The following STT3B variants were observed in gnomAD, a reference collection of about 807,000 sequenced individuals.
STT3B encodes STT3 oligosaccharyltransferase complex catalytic subunit B.
In STT3B, 29 loss-of-function variants were observed where a neutral mutation model predicts 96.8. The ratio of observed to expected loss-of-function variants is 0.30; its 90% CI spans 0.22 to 0.41. The LOEUF (loss-of-function observed/expected upper bound fraction) is 0.41. Ranked by LOEUF, STT3B falls within the 10% of genes least tolerant of loss-of-function variation. The probability of loss-of-function intolerance (pLI) is 1.00; values close to 1 mark genes in which losing one functional copy is unlikely to be tolerated. For synonymous variants in STT3B, 367 were observed against 360.0 expected, an observed-to-expected ratio of 1.02 and a Z score of -0.22; for missense variants, 640 against 1,022.3, an observed-to-expected ratio of 0.63 and a Z score of 5.10.
intron 1 of STT3B, among the ~76,000 whole-genome samples, chr3:31,559,146 GGT>G (rs55707310): frequency 0.34 from 39,084 of 115,804 alleles, 7,002 homozygotes; most frequent in Non-Finnish European, 0.43. Flanking sequence ...TGATTCTTGG[GGT>G]GTGTGTGTGT....
At chr3:31,586,940 G>GTA (rs1698553093) in intron 3 of STT3B, among the ~76,000 whole-genome samples, 1 of 152,090 alleles carries the variant, frequency 6.6e-6, no homozygotes. Flanking sequence ...TGCATTGAAT[G>GTA]TATAGGTCAG....
intron 9 of STT3B, among the ~76,000 whole-genome samples, chr3:31,621,303 G>T (rs1431066607): frequency 1.3e-5 from 2 of 152,110 alleles, no homozygotes; most frequent in Non-Finnish European, 2.9e-5. Flanking sequence ...GATAGGGGAG[G>T]GGGTTGTTAC....
intron 4 of STT3B, among the ~76,000 whole-genome samples, chr3:31,597,993 G>A (rs1698832667): frequency 6.6e-6 from 1 of 151,762 alleles, no homozygotes. Context: ...GTGCCACTAT[G>A]CCCGGCTAAT....
rs1553606858 is a variant in STT3B at position 31,607,761 on chromosome 3, G to GTTGTTGTT, written c.877+7302_877+7303insTTGTTGTT. On this transcript the variant is annotated intron_variant, in intron 5 of 15. Transcript: ENST00000295770. Reference sequence around the variant, plus strand: ...TTTGTTGTTTTTGGGGGGTTGTTGTGGTTGTTGTTGTTTGTAGAAATGGTA... The same window carrying GTTGTTGTT: ...TTTGTTGTTTTTGGGGGGTTGTTGTGTTGTTGTTGTTGTTGTTGTTTGTAGAAATGGTA... Among the ~76,000 whole-genome samples, 84 of 147,748 alleles carry GTTGTTGTT rather than the reference G, an allele frequency of 5.7e-4. 1 individual carries two copies. Among genetic ancestry groups the GTTGTTGTT allele is most frequent in the East Asian group, 4.9e-3 (25 of 5,134 alleles).
chr3:31,593,464 C>T lies in STT3B; in HGVS notation c.712-3334C>T, dbSNP rs562520404. 3.2e-4 allele frequency among the ~76,000 whole-genome samples: 49 copies of T among 152,020 alleles called. 1 individual carries two copies. Among genetic ancestry groups the T allele is most frequent in the African/African-American group, 1.2e-3 (49 of 41,478 alleles). On this transcript the variant is annotated intron_variant, in intron 3 of 15. Coordinates refer to ENST00000295770, the MANE Select transcript of STT3B (RefSeq NM_178862.3). ...TTGTATTTGGTGGCTTCTTGGGTTT[C>T]ATGGATCTGTAGATTAGTGCTTACC...
chr3:31,586,870 T>G (rs80060996), intron 3 of STT3B, among the ~76,000 whole-genome samples: 5,829 of 152,238 alleles, frequency 0.038, 161 homozygotes, highest in Non-Finnish European at 0.055. Flanking sequence ...ATCATGTAAA[T>G]TTTAGAATCA....
At chr3:31,587,045 AT>A (rs1433454635) in intron 3 of STT3B, among the ~76,000 whole-genome samples, 1 of 151,770 alleles carries the variant, frequency 6.6e-6, no homozygotes, top group African/African-American at 2.4e-5. Context: ...TTTTGCTTTA[AT>A]TTTTCTGGGC....
chr3:31,608,188 G>A (rs780192145), intron 5 of STT3B, among the ~76,000 whole-genome samples: 6 of 152,092 alleles, frequency 3.9e-5, no homozygotes, highest in Admixed American at 6.5e-5. Flanking sequence ...ACAGGCAAAC[G>A]GGACTACAAT....
intron 2 of STT3B, among the ~76,000 whole-genome samples, chr3:31,577,822 T>C (rs1157540358): frequency 6.6e-6 from 1 of 152,138 alleles, no homozygotes; most frequent in Non-Finnish European, 1.5e-5. Flanking sequence ...GCAGTTCTTG[T>C]GGTGCTAATC....
chr3:31,534,226 A>G (rs547520799), intron 1 of STT3B, among the ~76,000 whole-genome samples: 2 of 152,218 alleles, frequency 1.3e-5, no homozygotes, highest in African/African-American at 4.8e-5. Flanking sequence ...TGGGAGTCCT[A>G]GATTGTAATA....
Position 31,533,163 on chromosome 3 carries a change from G to T in STT3B, c.165G>T (p.Pro55=). The change falls in exon 1 of 16, where the codon CCG becomes CCT. Residue 55 remains proline (P), a synonymous_variant. Coordinates refer to ENST00000295770, the MANE Select transcript of STT3B (RefSeq NM_178862.3). The part of the protein sequence containing the change: ...AGGAAPPKPA[P]AGLSGGLSQP... Reference sequence around the variant, plus strand: ...GCGCGGCGCCGCCGAAGCCGGCCCCGGCGGGGCTGTCCGGGGGGCTGTCGC... The same window carrying T: ...GCGCGGCGCCGCCGAAGCCGGCCCCTGCGGGGCTGTCCGGGGGGCTGTCGC... The T allele has an allele frequency of 7.5e-7, 1 of 1,329,190 alleles. No homozygotes were observed. The highest frequency in any genetic ancestry group is 9.7e-7 in the Non-Finnish European group (1 of 1,035,506). The allele number at this position is 1,329,190 out of a possible 1,614,324, so 82.3% of individuals were successfully genotyped here.
chr3:31,589,130 C>T (rs1325504323), intron 3 of STT3B, among the ~76,000 whole-genome samples: 1 of 151,938 alleles, frequency 6.6e-6, no homozygotes, highest in Non-Finnish European at 1.5e-5. Flanking sequence ...GGTAGTTTTC[C>T]ATATAGGGAT....
At chr3:31,616,833 T>G in intron 6 of STT3B, 96 bp from the exon 7 acceptor site, 4 of 980,144 alleles carry the variant, frequency 4.1e-6, no homozygotes, top group Non-Finnish European at 4.3e-6. Context: ...TTGATATGAA[T>G]GGTGCAGGAC....
chr3:31,592,432 A>G (rs1009958441), intron 3 of STT3B, among the ~76,000 whole-genome samples: 50 of 152,288 alleles, frequency 3.3e-4, no homozygotes, highest in Middle Eastern at 3.4e-3. Flanking sequence ...CTTGCTTTCA[A>G]TTATTGTGAG....
At chr3:31,538,715 T>C (rs1031213509) in intron 1 of STT3B, among the ~76,000 whole-genome samples, 4 of 152,164 alleles carry the variant, frequency 2.6e-5, no homozygotes, top group African/African-American at 7.2e-5. Context: ...CCCACTGATA[T>C]ACTATATGGG....
intron 3 of STT3B, among the ~76,000 whole-genome samples, chr3:31,591,231 T>C (rs1228825536): frequency 6.6e-6 from 1 of 152,150 alleles, no homozygotes; most frequent in Admixed American, 6.5e-5. Context: ...TAGTTCTCTT[T>C]ATCTCTAGGA....
chr3:31,600,504 G>A (rs770629259), intron 5 of STT3B, 45 bp downstream of exon 5: 2 of 869,210 alleles, frequency 2.3e-6, no homozygotes, highest in South Asian at 3.1e-5. Context: ...GAGATGTTTT[G>A]TATTCATTCA....
intron 1 of STT3B, among the ~76,000 whole-genome samples, chr3:31,565,075 A>C (rs1280272311): frequency 6.6e-6 from 1 of 152,154 alleles, no homozygotes; most frequent in Admixed American, 6.5e-5. Flanking sequence ...GCATTCTCTC[A>C]TTCTTTCTTT....
At chr3:31,563,930 C>T (rs1346790397) in intron 1 of STT3B, among the ~76,000 whole-genome samples, 1 of 152,000 alleles carries the variant, frequency 6.6e-6, no homozygotes, top group Non-Finnish European at 1.5e-5. Context: ...CTCAGCCTCC[C>T]GAGTAGCTGA....
Sources: allele counts gnomAD v4.1 joint callset (sites outside exome capture counted in the v4.1 genomes callset), GRCh38; gene constraint gnomAD v4.1.1; transcripts MANE v1.5; gene names NCBI Gene and HGNC (gene_info 2026-07-23, HGNC 2026-07-21).